COL16A1: variants seen among roughly 807,000 people sequenced by gnomAD.
The protein encoded by COL16A1 is collagen type XVI alpha 1 chain.
COL16A1 carries 189 observed loss-of-function variants against 266.3 expected under a neutral mutation model. The ratio of observed to expected loss-of-function variants is 0.71; its 90% CI spans 0.63 to 0.80. COL16A1 has a LOEUF of 0.80. COL16A1 is among the 30% of genes least tolerant of loss of function. The pLI is 0.00. For synonymous variants in COL16A1, 740 were observed against 782.3 expected (o/e 0.95, Z 0.90); for missense variants, 1,928 against 2,122.4 (o/e 0.91, Z 1.80).
At chr1:31,661,502 G>C in intron 59 of COL16A1, 44 bp from the exon 60 acceptor site, 2 of 1,614,110 alleles carry the variant, frequency 1.2e-6, no homozygotes, top group South Asian at 2.2e-5. Context: ...CATGTCAGCT[G>C]GGGGCCTCTT....
In COL16A1 at chr1:31,700,003, G is replaced by T. The variant is rs186693941; in HGVS notation, c.148+38C>A. On this transcript the variant is annotated intron_variant, in intron 3 of 70. Coordinates refer to ENST00000373672, the MANE Select transcript of COL16A1 (RefSeq NM_001856.4). ...GGGTACAGATCACTCCCAGAGGAAG[G>T]TTGCAGGGACGGCGCGATGAGATGG... 4.4e-4 allele frequency: 715 copies of T among 1,610,622 alleles called. 3 individuals carry two copies. In the African/African-American group the frequency reaches 8.6e-3, roughly 19 times the overall value.
Position 31,661,713 on chromosome 1 carries a change from A to G in COL16A1, c.3682-9T>C. The G allele has an allele frequency of 6.3e-7, 1 of 1,593,436 alleles. No homozygotes were observed. Among genetic ancestry groups the G allele is most frequent in the Non-Finnish European group, 8.5e-7 (1 of 1,174,686 alleles). On this transcript the variant is annotated splice_polypyrimidine_tract_variant and intron_variant, in intron 58 of 70. Transcript: ENST00000373672. ...GCAGGACCAGGGTCCCCCTAGGGAA[A>G]GAGACGAGGAGGATTGAGACAAGAG...
In COL16A1 at chr1:31,697,773, GC is replaced by G; in HGVS notation, c.657+132del. 1.8e-6 allele frequency: 2 copies of G among 1,087,030 alleles called. No homozygotes were observed. Among genetic ancestry groups the G allele is most frequent in the South Asian group, 3.0e-5 (2 of 65,906 alleles). The allele number at this position is 1,087,030 out of a possible 1,614,324, so 67.3% of individuals were successfully genotyped here. A position where few individuals can be genotyped will look rare whatever the true frequency, so the allele number is the denominator to read the frequency against. On this transcript the variant is annotated intron_variant, in intron 6 of 70. Coordinates refer to ENST00000373672, the MANE Select transcript of COL16A1 (RefSeq NM_001856.4). This position sits in a 1 kb window ranked among gnomAD's most constrained non-coding sequence, Gnocchi z 4.2. ...AATGCCAGGTGAATATGTTTAGGCT[GC>G]ATTTGGAGGGCAACAGGAAAGCAGG...
intron 68 of COL16A1, 111 bp from the exon 69 acceptor site, chr1:31,654,154 T>A: frequency 6.8e-7 from 1 of 1,461,106 alleles, no homozygotes; most frequent in East Asian, 2.4e-5. Flanking sequence ...CAGCCTTCCT[T>A]CACAGGGATG....
chr1:31,685,255 C>T lies in COL16A1; in HGVS notation c.2016+384G>A, dbSNP rs1557668602. Among the ~76,000 whole-genome samples, 1 of 152,200 alleles carries T rather than the reference C, an allele frequency of 6.6e-6. No homozygotes were observed. Among genetic ancestry groups the T allele is most frequent in the Non-Finnish European group, 1.5e-5 (1 of 68,036 alleles). On this transcript the variant is annotated intron_variant, in intron 29 of 70. Coordinates refer to ENST00000373672, the MANE Select transcript of COL16A1 (RefSeq NM_001856.4). This position sits in a 1 kb window ranked among gnomAD's most constrained non-coding sequence, Gnocchi z 4.0. The stretch of plus-strand genomic sequence containing the variant: ...GTGATAATAACCACAGTGGTAACTG[C>T]CATTTCCCCAGTGCCCATGGTGTAC...
intron 54 of COL16A1, 87 bp from the exon 55 acceptor site, chr1:31,665,705 C>T: frequency 1.9e-6 from 3 of 1,591,774 alleles, no homozygotes; most frequent in Non-Finnish European, 1.7e-6. Flanking sequence ...GGGGGGGGCA[C>T]CCTCAAACCC....
chr1:31,656,817 A>G lies in COL16A1; in HGVS notation c.4056+216T>C. ...TTGTTGTTTCTTTTTGACCAGGTAC[A>G]GGGTTTAAAAAAAAAAAAAAAAAGG... On this transcript the variant is annotated intron_variant, in intron 65 of 70. Coordinates refer to ENST00000373672, the MANE Select transcript of COL16A1 (RefSeq NM_001856.4). The surrounding 1 kb of genome is among the most constrained non-coding windows in gnomAD (Gnocchi z 4.2). 1.7e-6 allele frequency: 1 copy of G among 587,906 alleles called. No individual in the cohort carries two copies. The highest frequency in any genetic ancestry group is 2.3e-5 in the South Asian group (1 of 43,074). The allele number at this position is 587,906 out of a possible 1,614,324, so 36.4% of individuals were successfully genotyped here.
intron 31 of COL16A1, 85 bp downstream of exon 31, chr1:31,684,437 GC>G: frequency 1.9e-6 from 3 of 1,547,996 alleles, no homozygotes; most frequent in Non-Finnish European, 1.7e-6. Flanking sequence ...GCCCCAGCTG[GC>G]CCTGCAGTCC....
rs772149267 is a variant in COL16A1 at position 31,661,719 on chromosome 1, G to A, written c.3682-15C>T. On this transcript the variant is annotated splice_polypyrimidine_tract_variant and intron_variant, in intron 58 of 70. Transcript: ENST00000373672. ...CCAGGGTCCCCCTAGGGAAAGAGAC[G>A]AGGAGGATTGAGACAAGAGTTTTGC... 4 of 1,592,244 alleles carry A rather than the reference G, an allele frequency of 2.5e-6. No homozygotes were observed. The highest frequency in any genetic ancestry group is 1.1e-5 in the South Asian group (1 of 87,410).
At chr1:31,695,712 A>C (rs1181022227) in intron 10 of COL16A1, 49 bp downstream of exon 10, 1 of 1,597,636 alleles carries the variant, frequency 6.3e-7, no homozygotes, top group African/African-American at 1.3e-5. Flanking sequence ...CCTGGTGCAA[A>C]GGGTTCATGC....
At position 31,685,795 on chromosome 1, in the gene COL16A1, G is replaced by C. The variant is rs969901488; in HGVS notation, c.1885-25C>G. The C allele has an allele frequency of 6.2e-7, 1 of 1,612,418 alleles. No individual in the cohort carries two copies. Among genetic ancestry groups the C allele is most frequent in the Non-Finnish European group, 8.5e-7 (1 of 1,179,008 alleles). ...CCTGCCAAGCAAGGACATTGAGTTA[G>C]GGGGTCCCCCAGGCCCTAGTGCACT... On this transcript the variant is annotated intron_variant, in intron 28 of 70. Transcript: ENST00000373672. This position sits in a 1 kb window ranked among gnomAD's most constrained non-coding sequence, Gnocchi z 4.0.
chr1:31,682,216 C>T (rs1643696416), intron 37 of COL16A1, among the ~76,000 whole-genome samples: 1 of 152,142 alleles, frequency 6.6e-6, no homozygotes, highest in Non-Finnish European at 1.5e-5. Context: ...AGAAAATGCA[C>T]TTATGATTAC....
chr1:31,668,796 T>TGA lies in COL16A1; in HGVS notation c.3249+5_3249+6insTC. ...CCCTTTCCAGCCCCTGCCAGCTTCT[T>TGA]CTTACCGGCTCCCCCTTGTCTCCAG... On this transcript the variant is annotated splice_donor_region_variant and intron_variant, in intron 50 of 70. Transcript: ENST00000373672. The surrounding 1 kb of genome is among the most constrained non-coding windows in gnomAD (Gnocchi z 5.8). 3 of 1,613,742 alleles carry TGA rather than the reference T, an allele frequency of 1.9e-6. No individual in the cohort carries two copies. The South Asian group carries it at 3.3e-5, about 18-fold the overall frequency.
At chr1:31,682,707 A>G (rs1643731984) in intron 37 of COL16A1, among the ~76,000 whole-genome samples, 1 of 152,232 alleles carries the variant, frequency 6.6e-6, no homozygotes, top group African/African-American at 2.4e-5. Flanking sequence ...AGCTTAGCAC[A>G]GGGCCTCAGC....
chr1:31,670,651 T>C lies in COL16A1; in HGVS notation c.3151-5A>G, dbSNP rs1451096963. On this transcript the variant is annotated splice_polypyrimidine_tract_variant and splice_region_variant and intron_variant, in intron 48 of 70. Coordinates refer to ENST00000373672, the MANE Select transcript of COL16A1 (RefSeq NM_001856.4). This position sits in a 1 kb window ranked among gnomAD's most constrained non-coding sequence, Gnocchi z 4.5. ...ACCAGGAAAACCTGGGGGGCCCTGG[T>C]GGGAGAAACAGGCAGGTCACATCTC... 1.1e-5 allele frequency: 16 copies of C among 1,432,978 alleles called. No homozygotes were observed. In the East Asian group the frequency reaches 4.6e-4, roughly 41 times the overall value. The allele number at this position is 1,432,978 out of a possible 1,614,324, so 88.8% of individuals were successfully genotyped here.
chr1:31,698,621 G>C lies in COL16A1; in HGVS notation c.267-15C>G. The C allele has an allele frequency of 6.2e-7, 1 of 1,613,182 alleles. No individual in the cohort carries two copies. The highest frequency in any genetic ancestry group is 8.5e-7 in the Non-Finnish European group (1 of 1,179,810). Reference sequence around the variant, plus strand: ...GGAATACTCTTCTGGAGATGGAGCAGGGAGGGTGCCCTGAGGCTCCAATGA... The same window carrying C: ...GGAATACTCTTCTGGAGATGGAGCACGGAGGGTGCCCTGAGGCTCCAATGA... On this transcript the variant is annotated splice_polypyrimidine_tract_variant and intron_variant, in intron 4 of 70. Coordinates refer to ENST00000373672, the MANE Select transcript of COL16A1 (RefSeq NM_001856.4). This position sits in a 1 kb window ranked among gnomAD's most constrained non-coding sequence, Gnocchi z 4.1.
At chr1:31,690,621 T>C (rs1044783307) in intron 20 of COL16A1, 48 bp from the exon 21 acceptor site, 7 of 1,601,634 alleles carry the variant, frequency 4.4e-6, no homozygotes, top group African/African-American at 1.3e-5. Flanking sequence ...GCCAATGCAA[T>C]CTCGGTGCGT....
intron 23 of COL16A1, chr1:31,689,534 A>G: frequency 1.7e-6 from 1 of 598,464 alleles, no homozygotes; most frequent in Non-Finnish European, 3.0e-6. Context: ...GGAGGTTGCC[A>G]TGGAGACCGG....
Position 31,657,141 on chromosome 1 carries a change from T to A in COL16A1, c.4021-73A>T. ...GGTGTCAGATGCCTCACTTTGTACATGGGGCAAGCCCAGCCCCCTGTTCCA... is the reference window on the plus strand; with the variant it reads ...GGTGTCAGATGCCTCACTTTGTACAAGGGGCAAGCCCAGCCCCCTGTTCCA... On this transcript the variant is annotated intron_variant, in intron 64 of 70. Transcript: ENST00000373672. This position sits in a 1 kb window ranked among gnomAD's most constrained non-coding sequence, Gnocchi z 6.4. 1 of 1,587,024 alleles carries A rather than the reference T, an allele frequency of 6.3e-7. No individual in the cohort carries two copies. Among genetic ancestry groups the A allele is most frequent in the African/African-American group, 1.3e-5 (1 of 74,450 alleles).
Sources: allele counts gnomAD v4.1 joint callset (sites outside exome capture counted in the v4.1 genomes callset), GRCh38; gene constraint gnomAD v4.1.1; non-coding constraint Gnocchi (gnomAD v3.1); transcripts MANE v1.5; gene names NCBI Gene and HGNC (gene_info 2026-07-23, HGNC 2026-07-21).